The following C16orf96 variants were observed in gnomAD, a reference collection of about 807,000 sequenced individuals.
The protein encoded by C16orf96 is uncharacterized protein C16orf96.
C16orf96 carries 108 observed loss-of-function variants against 103.6 expected under a neutral mutation model. The ratio of observed to expected loss-of-function variants is 1.04; its 90% CI spans 0.89 to 1.22. The LOEUF (loss-of-function observed/expected upper bound fraction) is 1.22, where lower values mean the gene tolerates loss of function less well. Among genes scored for constraint, C16orf96 ranks in the 50% most tolerant of loss-of-function variants. The probability of loss-of-function intolerance (pLI) is 0.00; values close to 1 mark genes in which losing one functional copy is unlikely to be tolerated. For synonymous variants in C16orf96, 566 were observed against 593.5 expected (o/e 0.95, Z 0.67); for missense variants, 1,586 against 1,464.2 (o/e 1.08, Z -1.36).
At chr16:4,543,051 C>G in the C16orf96 span, among the ~76,000 whole-genome samples, 1 of 152,168 alleles carries the variant, frequency 6.6e-6, no homozygotes, top group Non-Finnish European at 1.5e-5. Context: ...TCTCTGTCCT[C>G]AAAGCGCACA....
chr16:4,553,478 C>T (rs977326130), upstream of C16orf96, among the ~76,000 whole-genome samples: 5 of 152,036 alleles, frequency 3.3e-5, no homozygotes, highest in African/African-American at 1.2e-4. Flanking sequence ...GCTGGGATTA[C>T]AGGCACACAC....
At chr16:4,551,181 G>T in the C16orf96 span, among the ~76,000 whole-genome samples, 2 of 152,212 alleles carry the variant, frequency 1.3e-5, no homozygotes, top group East Asian at 3.9e-4. Flanking sequence ...TGAGGCAGAA[G>T]GATTGCTGGA....
chr16:4,560,774 C>G (rs920009509), intron 1 of C16orf96: 7 of 152,056 alleles, frequency 4.6e-5, no homozygotes, highest in African/African-American at 1.7e-4. Flanking sequence ...GATGGCCCCA[C>G]TGCACTCCAG....
chr16:4,564,924 A>C (rs2059371557), intron 1 of C16orf96, among the ~76,000 whole-genome samples: 1 of 152,228 alleles, frequency 6.6e-6, no homozygotes, highest in Non-Finnish European at 1.5e-5. Flanking sequence ...CCATGATTGC[A>C]GTAATGGTAA....
intron 1 of C16orf96, among the ~76,000 whole-genome samples, chr16:4,570,766 C>T (rs1410682358): frequency 6.6e-6 from 1 of 152,084 alleles, no homozygotes; most frequent in African/African-American, 2.4e-5. Context: ...GCGCCAAGCT[C>T]GCAACACACT....
chr16:4,546,161 CTTTT>C, the C16orf96 span, among the ~76,000 whole-genome samples: 1 of 134,210 alleles, frequency 7.5e-6, no homozygotes, highest in African/African-American at 2.8e-5. Context: ...TTCCTTCTTT[CTTTT>C]TTTTTTTTTT....
In C16orf96 at chr16:4,569,948, G is replaced by A. The variant is rs188492324; in HGVS notation, c.421-1613G>A. ...ACAACTTACTTCTTCCCAGGAAGGTGCCAACTCAGCTGCCCAGTAGATAAG... is the reference window on the plus strand; with the variant it reads ...ACAACTTACTTCTTCCCAGGAAGGTACCAACTCAGCTGCCCAGTAGATAAG... On this transcript the variant is annotated intron_variant, in intron 1 of 15. Transcript: ENST00000444310. Among the ~76,000 whole-genome samples the A allele has an allele frequency of 2.6e-3, 389 of 152,194 alleles. 4 individuals carry two copies. The highest frequency in any genetic ancestry group is 4.0e-3 in the Non-Finnish European group (269 of 68,014).
chr16:4,588,090 C>G, intron 8 of C16orf96, 77 bp from the exon 9 acceptor site: 1 of 1,449,252 alleles, frequency 6.9e-7, no homozygotes, highest in Non-Finnish European at 9.3e-7. Flanking sequence ...GCATCAGACC[C>G]AAGGGGTGTG....
chr16:4,584,857 G>A (rs1448343590), intron 7 of C16orf96, among the ~76,000 whole-genome samples: 2 of 152,090 alleles, frequency 1.3e-5, no homozygotes, highest in East Asian at 1.9e-4. Flanking sequence ...TTTTAGTAGA[G>A]ATGGGGTTTC....
intron 9 of C16orf96, among the ~76,000 whole-genome samples, chr16:4,589,568 C>A (rs1262460424): frequency 2.7e-5 from 4 of 149,558 alleles, no homozygotes; most frequent in African/African-American, 9.9e-5. Context: ...GCAGGAGCAC[C>A]CTGGCAGGCA....
In C16orf96 at chr16:4,587,064, T is replaced by G. The variant is rs1440919453; in HGVS notation, c.2378T>G (p.Leu793Arg). ...FKTLQAQIKR[L>R]EMNKVNKSTM... ...ACTCTCCAGGCTCAAATCAAAAGACTGGAAATGAACAAGGTGAATAAGAGC... is the reference window on the plus strand; with the variant it reads ...ACTCTCCAGGCTCAAATCAAAAGACGGGAAATGAACAAGGTGAATAAGAGC... The change falls in exon 8 of 16, where the codon CTG becomes CGG. Residue 793 changes from leucine to arginine, a missense_variant. Physicochemically the swap from Leu to Arg is moderately radical, Grantham distance 102 (BLOSUM62 -2). Transcript: ENST00000444310. 31 of 1,551,508 alleles carry G rather than the reference T, an allele frequency of 2.0e-5. No homozygotes were observed. The highest frequency in any genetic ancestry group is 2.7e-5 in the Non-Finnish European group (31 of 1,146,906).
At chr16:4,596,344 C>T (rs961071478) in intron 14 of C16orf96, among the ~76,000 whole-genome samples, 4 of 152,210 alleles carry the variant, frequency 2.6e-5, no homozygotes, top group Non-Finnish European at 5.9e-5. Context: ...AATTAGCCAG[C>T]CATGGTGACA....
intron 9 of C16orf96, 64 bp downstream of exon 9, chr16:4,588,395 C>A: frequency 6.7e-7 from 1 of 1,484,270 alleles, no homozygotes; most frequent in South Asian, 1.3e-5. Flanking sequence ...TTAGCAACTG[C>A]AAACAACAAA....
rs532520264 is a variant in C16orf96, at chr16:4,576,011, G to A, written c.1531G>A (p.Asp511Asn). The change falls in exon 5 of 16, where the codon GAT (aspartate) becomes AAT (asparagine). Residue 511 changes from aspartate (D) to asparagine (N), a missense_variant. By Grantham distance (23) the Asp-to-Asn change is conservative. Transcript: ENST00000444310. ...AGCTCACAAGGATGATGTCCCCAAA[G>A]ATAGAGGTGGCAAGGATGTGGACCC... ...DRAHKDDVPK[D>N]RGGKDVDPKD... 17 of 1,551,136 alleles carry A rather than the reference G, an allele frequency of 1.1e-5. No individual in the cohort carries two copies. In the South Asian group the frequency reaches 1.5e-4, roughly 14 times the overall value.
intron 1 of C16orf96, among the ~76,000 whole-genome samples, chr16:4,565,245 C>T (rs2059374947): frequency 6.6e-6 from 1 of 152,172 alleles, no homozygotes; most frequent in African/African-American, 2.4e-5. Flanking sequence ...GGAAGGGCAA[C>T]TGTCGGGGAC....
chr16:4,556,403 G>C lies in C16orf96; in HGVS notation c.-87G>C. ...CACCACCCCAGGCCTCTGAGGACCA[G>C]TCCATGTAGCTCTCGGAACCACTGA... On this transcript the variant is annotated 5_prime_UTR_variant, in exon 1 of 16. Transcript: ENST00000444310. The C allele has an allele frequency of 7.3e-7, 1 of 1,372,620 alleles. No homozygotes were observed. The highest frequency in any genetic ancestry group is 9.7e-7 in the Non-Finnish European group (1 of 1,030,656). 85.0% of individuals were successfully genotyped at this position (1,372,620 alleles called of 1,614,324 possible). A position where few individuals can be genotyped will look rare whatever the true frequency, so the allele number is the denominator to read the frequency against.
At chr16:4,567,042 GT>G (rs2059390442) in intron 1 of C16orf96, among the ~76,000 whole-genome samples, 1 of 151,570 alleles carries the variant, frequency 6.6e-6, no homozygotes, top group Non-Finnish European at 1.5e-5. Flanking sequence ...ATTTCTATTT[GT>G]TTTAGGTTCA....
At chr16:4,581,152 A>G (rs1409603937) in intron 7 of C16orf96, among the ~76,000 whole-genome samples, 1 of 85,238 alleles carries the variant, frequency 1.2e-5, no homozygotes, top group South Asian at 3.6e-4. Flanking sequence ...ATATATATAT[A>G]TATATATATA....
At chr16:4,548,507 G>A in the C16orf96 span, among the ~76,000 whole-genome samples, 4 of 152,166 alleles carry the variant, frequency 2.6e-5, no homozygotes, top group Admixed American at 2.6e-4. Context: ...CCACCAGTGG[G>A]GGAACACCTG....
Sources: gnomAD v4.1 joint callset for allele counts (sites outside exome capture counted in the v4.1 genomes callset) on GRCh38, gnomAD v4.1.1 for gene constraint, MANE v1.5 for transcripts, NCBI Gene and HGNC (gene_info 2026-07-23, HGNC 2026-07-21) for gene names.